GPD2: variants seen among roughly 807,000 people sequenced by gnomAD.
GPD2 encodes glycerol-3-phosphate dehydrogenase, mitochondrial.
GPD2 carries 54 observed loss-of-function variants against 82.4 expected under a neutral mutation model. The ratio of observed to expected loss-of-function variants is 0.66; its 90% CI spans 0.53 to 0.82. The LOEUF (loss-of-function observed/expected upper bound fraction) is 0.82, where lower values mean the gene tolerates loss of function less well. GPD2 is among the 40% of genes least tolerant of loss of function. The probability of loss-of-function intolerance (pLI) is 0.00; values close to 1 mark genes in which losing one functional copy is unlikely to be tolerated. For synonymous variants in GPD2, 288 were observed against 306.1 expected (o/e 0.94, Z 0.62); for missense variants, 748 against 896.2 (o/e 0.83, Z 2.11).
chr2:156,513,320 A>C lies in GPD2; in HGVS notation c.498-13A>C. ...CTGTTTCTGAAGAACTTTCCCCCCTATTTATGCTGTAGGTGGTGGCAGTTA... is the reference window on the plus strand; with the variant it reads ...CTGTTTCTGAAGAACTTTCCCCCCTCTTTATGCTGTAGGTGGTGGCAGTTA... On this transcript the variant is annotated splice_polypyrimidine_tract_variant and intron_variant, in intron 5 of 16. Coordinates refer to ENST00000438166, the MANE Select transcript of GPD2 (RefSeq NM_000408.5). 6.3e-7 allele frequency: 1 copy of C among 1,590,652 alleles called. No homozygotes were observed. The highest frequency in any genetic ancestry group is 1.1e-5 in the South Asian group (1 of 90,562).
intron 13 of GPD2, 69 bp from the exon 14 acceptor site, chr2:156,578,820 A>C: frequency 1.1e-6 from 1 of 898,006 alleles, no homozygotes; most frequent in Non-Finnish European, 1.9e-6. Flanking sequence ...GAAGATCAAC[A>C]GTAAAAAAAG....
At chr2:156,522,826 A>C (rs1217860903) in intron 6 of GPD2, among the ~76,000 whole-genome samples, 1 of 152,176 alleles carries the variant, frequency 6.6e-6, no homozygotes, top group Non-Finnish European at 1.5e-5. Context: ...TGGGGATGTG[A>C]AGATAATTTT....
At chr2:156,496,741 T>C (rs1684396684) in intron 3 of GPD2, among the ~76,000 whole-genome samples, 1 of 152,070 alleles carries the variant, frequency 6.6e-6, no homozygotes, top group South Asian at 2.1e-4. Flanking sequence ...ATATTTATAT[T>C]TATATAAAAT....
chr2:156,452,085 G>A (rs1682623898), intron 1 of GPD2, among the ~76,000 whole-genome samples: 1 of 151,838 alleles, frequency 6.6e-6, no homozygotes, highest in Non-Finnish European at 1.5e-5. Context: ...CAGCCAGGCA[G>A]AGGGGCTCCT....
intron 9 of GPD2, among the ~76,000 whole-genome samples, chr2:156,561,775 GAGC>G (rs1687184847): frequency 6.6e-6 from 1 of 152,146 alleles, no homozygotes; most frequent in Non-Finnish European, 1.5e-5. Context: ...AACAGTTTCT[GAGC>G]CTCCCCAAAT....
chr2:156,569,107 G>A (rs887649368), intron 10 of GPD2, 148 bp downstream of exon 10: 14 of 732,370 alleles, frequency 1.9e-5, no homozygotes, highest in Non-Finnish European at 2.1e-5. Flanking sequence ...GGGATTACAG[G>A]CATGAGCCAC....
chr2:156,419,813 G>A, the GPD2 span, among the ~76,000 whole-genome samples: 1 of 152,192 alleles, frequency 6.6e-6, no homozygotes. Flanking sequence ...TCAAAAACTT[G>A]TAAGTGCTCT....
intron 6 of GPD2, among the ~76,000 whole-genome samples, chr2:156,543,254 G>A (rs1332337604): frequency 6.6e-6 from 1 of 152,166 alleles, no homozygotes; most frequent in Admixed American, 6.6e-5. Context: ...GTTGGGGACT[G>A]TTCTTAGACT....
chr2:156,409,110 T>A, the GPD2 span, among the ~76,000 whole-genome samples: 2 of 152,168 alleles, frequency 1.3e-5, no homozygotes, highest in Non-Finnish European at 2.9e-5. Flanking sequence ...TGCAGCAGAT[T>A]TTCCCTCTCT....
chr2:156,473,016 ATGG>A, intron 1 of GPD2, among the ~76,000 whole-genome samples: 1 of 152,302 alleles, frequency 6.6e-6, no homozygotes, highest in Non-Finnish European at 1.5e-5. Context: ...TAAATAATAA[ATGG>A]TGGTGATTAT....
At chr2:156,436,002 G>A (rs1688413987), upstream of GPD2, among the ~76,000 whole-genome samples, 1 of 152,224 alleles carries the variant, frequency 6.6e-6, no homozygotes, top group Admixed American at 6.5e-5. Flanking sequence ...CATCGCCGAG[G>A]CACAAAGCAG....
At chr2:156,549,252 C>T (rs756149563) in intron 6 of GPD2, among the ~76,000 whole-genome samples, 1 of 152,228 alleles carries the variant, frequency 6.6e-6, no homozygotes, top group Non-Finnish European at 1.5e-5. Context: ...TGAATTGCTT[C>T]ACTTTCATGC....
At chr2:156,538,429 C>G (rs1255967111) in intron 6 of GPD2, among the ~76,000 whole-genome samples, 1 of 151,704 alleles carries the variant, frequency 6.6e-6, no homozygotes, top group Non-Finnish European at 1.5e-5. Context: ...TTATTCATTC[C>G]TATGAGAAGT....
At chr2:156,402,269 G>C in the GPD2 span, among the ~76,000 whole-genome samples, 1 of 152,186 alleles carries the variant, frequency 6.6e-6, no homozygotes, top group Non-Finnish European at 1.5e-5. Context: ...AATGGTGTTA[G>C]AGAAAGATCA....
At chr2:156,434,768 A>C (rs1010740861), upstream of GPD2, among the ~76,000 whole-genome samples, 7 of 152,198 alleles carry the variant, frequency 4.6e-5, no homozygotes, top group African/African-American at 1.7e-4. Flanking sequence ...TCAAACTTTA[A>C]TGTGCATCAG....
At chr2:156,412,398 C>T in the GPD2 span, among the ~76,000 whole-genome samples, 4 of 150,234 alleles carry the variant, frequency 2.7e-5, no homozygotes, top group South Asian at 8.4e-4. Context: ...GAGATCTTGC[C>T]ACTGCACTAC....
intron 1 of GPD2, among the ~76,000 whole-genome samples, chr2:156,474,129 T>C (rs544258820): frequency 6.6e-6 from 1 of 152,314 alleles, no homozygotes; most frequent in South Asian, 2.1e-4. Context: ...ACTCCTGGGC[T>C]CTAATCCTGG....
chr2:156,478,182 G>A (rs890459925), intron 2 of GPD2, among the ~76,000 whole-genome samples: 5 of 152,060 alleles, frequency 3.3e-5, no homozygotes, highest in African/African-American at 9.7e-5. Flanking sequence ...CAAGTTATAG[G>A]TGGATTTTAT....
chr2:156,579,073 T>C lies in GPD2; in HGVS notation c.1881-13T>C. On this transcript the variant is annotated splice_polypyrimidine_tract_variant and intron_variant, in intron 14 of 16. Transcript: ENST00000438166. ...GTAAGTATATTTTTCCATTATTTAATCTTGTGTTCCAGGTATAAGAAGAGA... is the reference window on the plus strand; with the variant it reads ...GTAAGTATATTTTTCCATTATTTAACCTTGTGTTCCAGGTATAAGAAGAGA... 7 of 1,586,472 alleles carry C rather than the reference T, an allele frequency of 4.4e-6. 1 individual carries two copies. The highest frequency in any genetic ancestry group is 6.1e-6 in the Non-Finnish European group (7 of 1,155,096).
Sources: gnomAD v4.1 joint callset for allele counts (sites outside exome capture counted in the v4.1 genomes callset) on GRCh38, gnomAD v4.1.1 for gene constraint, MANE v1.5 for transcripts, NCBI Gene and HGNC (gene_info 2026-07-23, HGNC 2026-07-21) for gene names.